DPP10: variants seen among roughly 807,000 people sequenced by gnomAD.
The protein encoded by DPP10 is dipeptidyl peptidase like 10, also known as inactive dipeptidyl peptidase 10.
A neutral mutation model predicts 120.9 loss-of-function variants in DPP10; 33 were observed. The observed-to-expected ratio is 0.27, with a 90% CI of 0.21 to 0.37. The LOEUF (loss-of-function observed/expected upper bound fraction) is 0.37. Among genes scored for constraint, DPP10 ranks in the 10% least tolerant of loss-of-function variants. The pLI, the probability that DPP10 is intolerant of heterozygous loss-of-function variation, is 1.00. For synonymous variants in DPP10, 337 were observed against 326.1 expected, an observed-to-expected ratio of 1.03 and a Z score of -0.36; for missense variants, 816 against 942.8, an observed-to-expected ratio of 0.87 and a Z score of 1.76.
chr2:114,610,013 G>T (rs1401156243), intron 1 of DPP10, among the ~76,000 whole-genome samples: 1 of 152,154 alleles, frequency 6.6e-6, no homozygotes, highest in African/African-American at 2.4e-5. Flanking sequence ...CCAGAACAGA[G>T]AAAAGGCAAT....
intron 1 of DPP10, among the ~76,000 whole-genome samples, chr2:114,633,309 T>A (rs1037623292): frequency 1.4e-5 from 2 of 138,370 alleles, no homozygotes; most frequent in Non-Finnish European, 3.0e-5. Flanking sequence ...TGGAGTGCAG[T>A]GGCACGATCT....
intron 1 of DPP10, among the ~76,000 whole-genome samples, chr2:114,694,639 C>T (rs368468752): frequency 4.0e-5 from 6 of 151,828 alleles, no homozygotes; most frequent in Non-Finnish European, 7.4e-5. Context: ...ATGAATAAAA[C>T]GTAATATTTG....
intron 5 of DPP10, among the ~76,000 whole-genome samples, chr2:115,632,005 G>A (rs2085912492): frequency 6.6e-6 from 1 of 152,126 alleles, no homozygotes; most frequent in Non-Finnish European, 1.5e-5. Context: ...TATATTGACA[G>A]TGGGGTGTTG....
chr2:115,675,305 C>T (rs74907369), intron 5 of DPP10, among the ~76,000 whole-genome samples: 1,649 of 152,124 alleles, frequency 0.011, 36 homozygotes, highest in African/African-American at 0.038. Flanking sequence ...TAATTAAAAA[C>T]CTGAACAAGT....
chr2:115,496,977 T>C (rs954623660), intron 3 of DPP10, among the ~76,000 whole-genome samples: 4 of 152,044 alleles, frequency 2.6e-5, no homozygotes, highest in Non-Finnish European at 5.9e-5. Context: ...AGTCTGCCTC[T>C]GGATGGGAGG....
intron 7 of DPP10, among the ~76,000 whole-genome samples, chr2:115,712,660 G>A (rs541070716): frequency 8.2e-4 from 120 of 146,938 alleles, no homozygotes; most frequent in Non-Finnish European, 1.3e-3. Flanking sequence ...GAATCATATA[G>A]TAAATATATT....
chr2:115,172,955 C>T (rs1415205033), intron 1 of DPP10, among the ~76,000 whole-genome samples: 1 of 152,120 alleles, frequency 6.6e-6, no homozygotes. Flanking sequence ...CTCCTGACTC[C>T]AAAGCAAACA....
In DPP10 at chr2:115,258,123, A is replaced by G. The variant is rs868725542; in HGVS notation, c.61-51116A>G. On this transcript the variant is annotated intron_variant, in intron 1 of 25. Transcript: ENST00000410059. ...TTGATGCTAAAAGCATCAAGGAAAC[A>G]AACACACTTTCAAGTTAAATTTGTT... is the stretch of plus-strand genomic sequence containing the variant. 7.9e-5 allele frequency among the ~76,000 whole-genome samples: 12 copies of G among 152,232 alleles called. No individual in the cohort carries two copies. In the South Asian group the frequency reaches 1.7e-3, roughly 21 times the overall value.
intron 1 of DPP10, among the ~76,000 whole-genome samples, chr2:115,154,769 C>A (rs1055170945): frequency 6.6e-6 from 1 of 151,828 alleles, no homozygotes; most frequent in African/African-American, 2.4e-5. Context: ...TAACTCCAGT[C>A]CCCAACAGAA....
At chr2:115,841,675 T>C (rs1466344999) in intron 25 of DPP10, among the ~76,000 whole-genome samples, 1 of 152,190 alleles carries the variant, frequency 6.6e-6, no homozygotes, top group African/African-American at 2.4e-5. Context: ...ATTAATGGGA[T>C]AATATTTGTA....
intron 3 of DPP10, among the ~76,000 whole-genome samples, chr2:115,466,790 A>T (rs2074354368): frequency 6.6e-6 from 1 of 152,174 alleles, no homozygotes; most frequent in Non-Finnish European, 1.5e-5. Flanking sequence ...TGACTGGGAC[A>T]GGTTACTGGA....
intron 11 of DPP10, among the ~76,000 whole-genome samples, chr2:115,756,999 T>C (rs1159332043): frequency 6.6e-6 from 1 of 152,140 alleles, no homozygotes; most frequent in Non-Finnish European, 1.5e-5. Flanking sequence ...AGAACCCTCA[T>C]GGCCTAAATA....
At chr2:114,796,292 G>C (rs1683706565) in intron 1 of DPP10, among the ~76,000 whole-genome samples, 2 of 152,204 alleles carry the variant, frequency 1.3e-5, no homozygotes, top group Admixed American at 6.5e-5. Flanking sequence ...TCTTGGTATG[G>C]ACTGTAGATT....
intron 8 of DPP10, among the ~76,000 whole-genome samples, chr2:115,735,063 A>G (rs76331659): frequency 6.6e-6 from 1 of 152,200 alleles, no homozygotes; most frequent in African/African-American, 2.4e-5. Flanking sequence ...CCAAACTCAC[A>G]TAATTTGGAT....
intron 3 of DPP10, among the ~76,000 whole-genome samples, chr2:115,489,537 TA>T (rs1338632917): frequency 6.0e-5 from 9 of 150,148 alleles, no homozygotes; most frequent in Non-Finnish European, 1.0e-4. Context: ...TGTGGCTAAT[TA>T]AAAACAAATA....
intron 1 of DPP10, among the ~76,000 whole-genome samples, chr2:114,759,375 G>C (rs1574122428): frequency 6.6e-6 from 1 of 152,106 alleles, no homozygotes; most frequent in East Asian, 1.9e-4. Flanking sequence ...AGCAGGAACT[G>C]GTCTATAAAG....
intron 1 of DPP10, among the ~76,000 whole-genome samples, chr2:114,804,908 G>T (rs902770946): frequency 6.6e-6 from 1 of 152,132 alleles, no homozygotes; most frequent in Non-Finnish European, 1.5e-5. Context: ...GGCCAGGGCG[G>T]AATGATATAG....
chr2:114,622,736 G>C (rs530911803), intron 1 of DPP10, among the ~76,000 whole-genome samples: 1 of 152,214 alleles, frequency 6.6e-6, no homozygotes, highest in African/African-American at 2.4e-5. Context: ...GAAAATAGGA[G>C]TCCATGGTTT....
intron 3 of DPP10, among the ~76,000 whole-genome samples, chr2:115,444,239 C>A (rs1469713923): frequency 6.6e-6 from 1 of 152,158 alleles, no homozygotes; most frequent in African/African-American, 2.4e-5. Flanking sequence ...TATTTTTCTT[C>A]TCACTTCAAT....
Sources: allele counts gnomAD v4.1 joint callset (sites outside exome capture counted in the v4.1 genomes callset), GRCh38; gene constraint gnomAD v4.1.1; transcripts MANE v1.5; gene names NCBI Gene and HGNC (gene_info 2026-07-23, HGNC 2026-07-21).